The following ZNF385C variants were observed in gnomAD, a reference collection of about 807,000 sequenced individuals.
The protein encoded by ZNF385C is CTD-2132N18.2.
A neutral mutation model predicts 35.4 loss-of-function variants in ZNF385C; 28 were observed. That is an observed-to-expected ratio of 0.79 (90% confidence interval 0.59 to 1.08). The LOEUF is 1.08. Among genes scored for constraint, ZNF385C ranks in the 50% least tolerant of loss-of-function variants. The probability of loss-of-function intolerance (pLI) is 0.00; values close to 1 mark genes in which losing one functional copy is unlikely to be tolerated. For synonymous variants in ZNF385C, 248 were observed against 248.2 expected (o/e 1.00, Z 0.01); for missense variants, 605 against 595.6 (o/e 1.02, Z -0.16).
chr17:42,069,646 G>A (rs797031671), intron 1 of ZNF385C, among the ~76,000 whole-genome samples: 11 of 152,372 alleles, frequency 7.2e-5, no homozygotes, highest in African/African-American at 2.2e-4. Context: ...TCAGCCAACA[G>A]CCACCCTCCC....
chr17:42,053,047 C>T (rs949035952), intron 2 of ZNF385C, among the ~76,000 whole-genome samples: 21 of 152,158 alleles, frequency 1.4e-4, no homozygotes, highest in Admixed American at 1.0e-3. Context: ...AGACCCACTG[C>T]ATGCCCACTC....
In ZNF385C at chr17:42,034,293, C is replaced by A. The variant is rs782380559; in HGVS notation, c.442G>T (p.Val148Phe). The change falls in exon 4 of 9, where the codon GTC becomes TTC. Residue 148 changes from valine to phenylalanine, a missense_variant. Transcript: ENST00000692273. ...QKAVISHTFG[V>F]PSPLKKKLFI... is the part of the protein sequence containing the mutation. ...AGCTTCTTCTTCAGAGGGGAGGGGA[C>A]ACCAAACGTGTGGCTGATGACAGCT... 2 of 1,550,630 alleles carry A rather than the reference C, an allele frequency of 1.3e-6. No individual in the cohort carries two copies. The highest frequency in any genetic ancestry group is 1.7e-6 in the Non-Finnish European group (2 of 1,147,004).
At chr17:42,076,993 G>C (rs1354532352) in intron 1 of ZNF385C, among the ~76,000 whole-genome samples, 3 of 152,092 alleles carry the variant, frequency 2.0e-5, no homozygotes, top group African/African-American at 7.2e-5. Context: ...TCTAAATAAA[G>C]CCTCTGAGTC....
chr17:42,062,661 C>T (rs1232698678), intron 2 of ZNF385C, 146 bp downstream of exon 2: 3 of 405,686 alleles, frequency 7.4e-6, no homozygotes, highest in Non-Finnish European at 1.3e-5. Context: ...ATCGGGGAGG[C>T]TTCAGACCCT....
At chr17:42,092,449 G>C (rs565188661) in intron 1 of ZNF385C, among the ~76,000 whole-genome samples, 1 of 152,278 alleles carries the variant, frequency 6.6e-6, no homozygotes, top group African/African-American at 2.4e-5. Flanking sequence ...CATAGGATGG[G>C]ATGAGGCAGT....
chr17:42,034,453 G>A, intron 3 of ZNF385C, 118 bp from the exon 4 acceptor site: 1 of 692,844 alleles, frequency 1.4e-6, no homozygotes, highest in Non-Finnish European at 2.4e-6. Context: ...TCAGCTTCTA[G>A]GAAGAACTTT....
At chr17:42,040,762 T>G in intron 2 of ZNF385C, 1 of 1,232,314 alleles carries the variant, frequency 8.1e-7, no homozygotes, top group Non-Finnish European at 1.0e-6. Flanking sequence ...AGGGCCACCA[T>G]GGAGGCGGAA....
intron 1 of ZNF385C, among the ~76,000 whole-genome samples, chr17:42,083,533 C>A (rs1425150242): frequency 6.6e-6 from 1 of 151,830 alleles, no homozygotes; most frequent in Non-Finnish European, 1.5e-5. Context: ...AAAAACCAAT[C>A]ACACTACAGG....
chr17:42,076,198 C>T (rs143306606), intron 1 of ZNF385C, among the ~76,000 whole-genome samples: 111 of 152,300 alleles, frequency 7.3e-4, no homozygotes, highest in African/African-American at 2.3e-3. Context: ...CAACTCTGCA[C>T]GCAGGCAAAA....
At position 42,028,026 on chromosome 17, in the gene ZNF385C, C is replaced by T. The variant is rs374999956; in HGVS notation, c.1164+24G>A. The stretch of plus-strand genomic sequence containing the variant: ...CAACCCCCTCCCCTGGCTCCAACCC[C>T]AGTCACAGCCTCACTTCTCCCACCT... On this transcript the variant is annotated intron_variant, in intron 7 of 8. Transcript: ENST00000692273. 5.6e-6 allele frequency: 9 copies of T among 1,612,404 alleles called. No individual in the cohort carries two copies. The African/African-American group carries it at 1.2e-4, about 21-fold the overall frequency.
chr17:42,079,995 T>C (rs138021110), intron 1 of ZNF385C, among the ~76,000 whole-genome samples: 138 of 152,276 alleles, frequency 9.1e-4, no homozygotes, highest in Middle Eastern at 6.8e-3. Context: ...AGAGCTCTAT[T>C]CAGCTTGTAT....
chr17:42,029,159 GC>G, intron 5 of ZNF385C, 86 bp from the exon 6 acceptor site: 4 of 1,428,688 alleles, frequency 2.8e-6, no homozygotes, highest in Non-Finnish European at 3.7e-6. Context: ...GGCCTGGAGG[GC>G]CCCTGGTGGA....
rs1374150868 is a variant in ZNF385C at position 42,028,640 on chromosome 17, G to A, written c.967+143C>T. 8.4e-6 allele frequency: 9 copies of A among 1,066,626 alleles called. No homozygotes were observed. The South Asian group carries it at 8.5e-5, about 10-fold the overall frequency. The allele number at this position is 1,066,626 out of a possible 1,614,324, so 66.1% of individuals were successfully genotyped here. On this transcript the variant is annotated intron_variant, in intron 6 of 8. Coordinates refer to ENST00000692273, the MANE Select transcript of ZNF385C (RefSeq NM_001392013.1). ...AGGAGTAATGGGAGGACCCAGAAAC[G>A]TCCGTTCAGTAACACACAAGCACAA...
At chr17:42,087,601 T>C (rs2079009) in intron 1 of ZNF385C, among the ~76,000 whole-genome samples, 101,365 of 152,084 alleles carry the variant, frequency 0.67, 35,780 homozygotes, top group African/African-American at 0.91. Flanking sequence ...CATCTCTTGC[T>C]TGAATCACTA....
Position 42,048,533 on chromosome 17 carries a change from C to T in ZNF385C, c.251-10648G>A, listed in dbSNP as rs143076509. 5.6e-3 allele frequency among the ~76,000 whole-genome samples: 848 copies of T among 152,176 alleles called. 6 individuals are homozygous for T. The highest frequency in any genetic ancestry group is 0.014 in the African/African-American group (593 of 41,514). On this transcript the variant is annotated intron_variant, in intron 2 of 8. Transcript: ENST00000692273. Reference sequence around the variant, plus strand: ...ACTCCAGCCACCCTGGGTGACACAGCGAGACCCTGTCTCTAAAAACAAAAA... The same window carrying T: ...ACTCCAGCCACCCTGGGTGACACAGTGAGACCCTGTCTCTAAAAACAAAAA...
intron 1 of ZNF385C, among the ~76,000 whole-genome samples, chr17:42,084,950 T>C (rs965593620): frequency 3.3e-5 from 5 of 152,108 alleles, no homozygotes; most frequent in Non-Finnish European, 7.4e-5. Flanking sequence ...ATATTTTCCA[T>C]ATTTTATACA....
At chr17:42,094,240 C>T (rs2053894453) in intron 1 of ZNF385C, among the ~76,000 whole-genome samples, 1 of 152,244 alleles carries the variant, frequency 6.6e-6, no homozygotes, top group African/African-American at 2.4e-5. Flanking sequence ...GCCTCAGCCT[C>T]CCAAAGTGCT....
intron 2 of ZNF385C, among the ~76,000 whole-genome samples, chr17:42,051,122 T>C (rs2053275210): frequency 6.6e-6 from 1 of 151,744 alleles, no homozygotes; most frequent in African/African-American, 2.4e-5. Flanking sequence ...GACAGGTCGC[T>C]GCAGGTTCAT....
chr17:42,027,554 G>GGGCCGCCC, intron 8 of ZNF385C, 64 bp downstream of exon 8: 1 of 556,882 alleles, frequency 1.8e-6, no homozygotes, highest in Non-Finnish European at 3.3e-6. Flanking sequence ...CCCCCATCTG[G>GGGCCGCCC]CCCTCCCAGC....
Sources: gnomAD v4.1 joint callset for allele counts (sites outside exome capture counted in the v4.1 genomes callset) on GRCh38, gnomAD v4.1.1 for gene constraint, MANE v1.5 for transcripts, NCBI Gene and HGNC (gene_info 2026-07-23, HGNC 2026-07-21) for gene names.